PTPN9: variants seen among roughly 807,000 people sequenced by gnomAD.
PTPN9 encodes the protein tyrosine-protein phosphatase non-receptor type 9.
PTPN9 carries 26 observed loss-of-function variants against 69.8 expected under a neutral mutation model. That is an observed-to-expected ratio of 0.37 (90% CI 0.27 to 0.52). The LOEUF (loss-of-function observed/expected upper bound fraction) is 0.52, where lower values mean the gene tolerates loss of function less well. PTPN9 is among the 20% of genes least tolerant of loss of function. The pLI is 0.91. For synonymous variants in PTPN9, 274 were observed against 272.5 expected, an observed-to-expected ratio of 1.01 and a Z score of -0.05; for missense variants, 549 against 740.3, an observed-to-expected ratio of 0.74 and a Z score of 3.00.
chr15:75,522,964 T>A (rs1026819888), intron 4 of PTPN9, among the ~76,000 whole-genome samples, 157 bp downstream of exon 4: 1 of 152,206 alleles, frequency 6.6e-6, no homozygotes, highest in Non-Finnish European at 1.5e-5. Flanking sequence ...CCTGCAAACA[T>A]GCCGAGTTCT....
chr15:75,504,709 C>T (rs1226714442), intron 7 of PTPN9, among the ~76,000 whole-genome samples: 2 of 146,092 alleles, frequency 1.4e-5, no homozygotes, highest in South Asian at 2.2e-4. Context: ...GCCCCCCGCC[C>T]GGGAGGTGAG....
intron 1 of PTPN9, among the ~76,000 whole-genome samples, chr15:75,561,178 G>A (rs772863297): frequency 7.0e-4 from 107 of 151,986 alleles, no homozygotes; most frequent in Admixed American, 1.2e-3. Context: ...AGCCCGGCAC[G>A]GTGGCGCATG....
rs777740108 is a variant in PTPN9, at chr15:75,470,020, A to C, written c.1360-21T>G. The C allele has an allele frequency of 3.2e-6, 5 of 1,585,184 alleles. No individual in the cohort carries two copies. In the South Asian group the frequency reaches 5.5e-5, roughly 18 times the overall value. ...CGTTCCTTAGATAAGAAAAGAAGTA[A>C]ACGTTAACAAGGTTATTTCTGCCTG... On this transcript the variant is annotated intron_variant, in intron 11 of 12. Transcript: ENST00000618819.
chr15:75,508,305 G>T (rs866774899), intron 6 of PTPN9, among the ~76,000 whole-genome samples: 18 of 152,014 alleles, frequency 1.2e-4, no homozygotes, highest in Admixed American at 8.5e-4. Context: ...CGATCTTCCC[G>T]CCTTGGCCTC....
chr15:75,513,122 C>G (rs1351307946), intron 5 of PTPN9: 1 of 385,118 alleles, frequency 2.6e-6, no homozygotes, highest in Non-Finnish European at 5.1e-6. Flanking sequence ...GCAGCAGGTA[C>G]CCCCAGACAG....
chr15:75,509,180 T>C (rs1382808817), intron 5 of PTPN9, among the ~76,000 whole-genome samples, 153 bp from the exon 6 acceptor site: 1 of 152,190 alleles, frequency 6.6e-6, no homozygotes, highest in Non-Finnish European at 1.5e-5. Context: ...GGAAAAGTGG[T>C]TAAACAAACT....
chr15:75,531,935 T>C (rs1309531163), intron 1 of PTPN9, among the ~76,000 whole-genome samples: 3 of 152,124 alleles, frequency 2.0e-5, no homozygotes, highest in Non-Finnish European at 2.9e-5. Flanking sequence ...TGATGTTGCT[T>C]ATAGAATAAA....
intron 7 of PTPN9, among the ~76,000 whole-genome samples, chr15:75,503,601 T>TC: frequency 1.1e-5 from 1 of 93,570 alleles, no homozygotes; most frequent in Non-Finnish European, 2.2e-5. Context: ...GGTGGGGGGG[T>TC]CAGCCCCCCG....
chr15:75,512,065 G>A (rs978701849), intron 5 of PTPN9, among the ~76,000 whole-genome samples: 2 of 151,972 alleles, frequency 1.3e-5, no homozygotes, highest in Non-Finnish European at 2.9e-5. Flanking sequence ...GGCTGGTCTC[G>A]AACTCCTGGC....
chr15:75,522,002 G>A (rs113687661), intron 4 of PTPN9, among the ~76,000 whole-genome samples: 5 of 152,262 alleles, frequency 3.3e-5, no homozygotes, highest in African/African-American at 1.2e-4. Context: ...CAATGCGCCT[G>A]GCCTCAATAT....
chr15:75,541,376 C>T (rs550654104), intron 1 of PTPN9, among the ~76,000 whole-genome samples: 5 of 151,308 alleles, frequency 3.3e-5, no homozygotes, highest in Admixed American at 2.6e-4. Context: ...ATCCACCACA[C>T]CTGCCCTCAT....
At chr15:75,554,014 T>A (rs1343843014) in intron 1 of PTPN9, among the ~76,000 whole-genome samples, 1 of 150,054 alleles carries the variant, frequency 6.7e-6, no homozygotes, top group African/African-American at 2.4e-5. Context: ...TCTTTTTTTT[T>A]TTTTTTTTTG....
chr15:75,526,898 G>A (rs552069443), intron 2 of PTPN9, among the ~76,000 whole-genome samples: 37 of 152,292 alleles, frequency 2.4e-4, no homozygotes, highest in African/African-American at 8.7e-4. Flanking sequence ...CATTAGATGT[G>A]GCATCCTGGT....
intron 1 of PTPN9, among the ~76,000 whole-genome samples, chr15:75,575,918 CAAAAA>C (rs759810846): frequency 2.5e-5 from 1 of 39,278 alleles, no homozygotes; most frequent in Non-Finnish European, 4.6e-5. Flanking sequence ...GACTCCATCT[CAAAAA>C]AAAAAAAAAA....
rs2074538748 is a variant in PTPN9, at chr15:75,466,925, C to G, written c.*1844G>C. On this transcript the variant is annotated 3_prime_UTR_variant, in exon 13 of 13. Transcript: ENST00000618819. ...ACCTAGCATAGTGCTTAGCACATCT[C>G]AAGCACTGAACTGGTGCTGGTCCCT... is the stretch of plus-strand genomic sequence containing the variant. 1 of 152,232 alleles carries G rather than the reference C, an allele frequency of 6.6e-6. No homozygotes were observed. Among genetic ancestry groups the G allele is most frequent in the African/African-American group, 2.4e-5 (1 of 41,456 alleles). 9.4% of individuals were successfully genotyped at this position (152,232 alleles called of 1,614,324 possible). A position where few individuals can be genotyped will look rare whatever the true frequency, so the allele number is the denominator to read the frequency against.
chr15:75,517,449 G>GA (rs962713314), intron 4 of PTPN9, 85 bp from the exon 5 acceptor site: 11 of 979,598 alleles, frequency 1.1e-5, no homozygotes, highest in African/African-American at 1.6e-5. Flanking sequence ...AACAAAACCT[G>GA]AGAGTATGAG....
intron 1 of PTPN9, among the ~76,000 whole-genome samples, chr15:75,528,497 C>A (rs2074940821): frequency 6.6e-6 from 1 of 152,038 alleles, no homozygotes. Context: ...ATCCTCCAGC[C>A]TCAGCCTCTC....
intron 6 of PTPN9, 147 bp from the exon 7 acceptor site, chr15:75,506,150 C>T (rs923786005): frequency 3.0e-6 from 2 of 664,284 alleles, no homozygotes; most frequent in Admixed American, 3.0e-5. Context: ...TAGTAGACTA[C>T]ATTTCATCTG....
intron 1 of PTPN9, among the ~76,000 whole-genome samples, chr15:75,534,676 A>AC (rs1211877323): frequency 1.4e-5 from 2 of 146,984 alleles, no homozygotes; most frequent in Non-Finnish European, 3.0e-5. Context: ...CTCTATCTCA[A>AC]AAAAAAAAAA....
Sources: allele counts gnomAD v4.1 joint callset (sites outside exome capture counted in the v4.1 genomes callset), GRCh38; gene constraint gnomAD v4.1.1; transcripts MANE v1.5; gene names NCBI Gene and HGNC (gene_info 2026-07-23, HGNC 2026-07-21).